Variants in ANO2 observed in about 807,000 individuals in gnomAD.
The protein encoded by ANO2 is anoctamin-2.
A neutral mutation model predicts 124.2 loss-of-function variants in ANO2; 101 were observed. The observed-to-expected ratio is 0.81, with a 90% CI of 0.69 to 0.96. The LOEUF is 0.96. Among genes scored for constraint, ANO2 ranks in the 40% least tolerant of loss-of-function variants. The pLI is 0.00. For missense variants in ANO2, 1,293 were observed against 1,274.5 expected (o/e 1.01, Z -0.22); for synonymous variants, 486 against 482.5 (o/e 1.01, Z -0.09).
intron 7 of ANO2, among the ~76,000 whole-genome samples, chr12:5,822,919 A>T (rs918689043): frequency 5.9e-5 from 9 of 152,200 alleles, no homozygotes; most frequent in African/African-American, 2.2e-4. Context: ...AGGGCAAGAG[A>T]GAAAGAGGAA....
chr12:5,734,133 G>C (rs957142018), intron 13 of ANO2, among the ~76,000 whole-genome samples: 1 of 152,302 alleles, frequency 6.6e-6, no homozygotes, highest in Non-Finnish European at 1.5e-5. Flanking sequence ...AGGTCTAAAA[G>C]ACTGGAAAAC....
chr12:5,797,687 C>T (rs962082597), intron 10 of ANO2, among the ~76,000 whole-genome samples: 1 of 152,192 alleles, frequency 6.6e-6, no homozygotes, highest in Non-Finnish European at 1.5e-5. Context: ...GCTCCCCACA[C>T]ACATGCTGCC....
At position 5,700,345 on chromosome 12, in the gene ANO2, G is replaced by C. The variant is rs570644305; in HGVS notation, c.1545+32175C>G. Among the ~76,000 whole-genome samples the C allele has an allele frequency of 8.5e-5, 13 of 152,254 alleles. No homozygotes were observed. The South Asian group carries it at 1.7e-3, about 19-fold the overall frequency. On this transcript the variant is annotated intron_variant, in intron 14 of 24. Coordinates refer to ENST00000682330, the MANE Select transcript of ANO2 (RefSeq NM_001364791.2). ...CAACCTGCTCCTGAATGACTACTGG[G>C]TACAAAACGAAATGAAGGCAGAAAT...
chr12:5,712,943 G>C (rs545865548), intron 14 of ANO2, among the ~76,000 whole-genome samples: 1 of 152,312 alleles, frequency 6.6e-6, no homozygotes, highest in Non-Finnish European at 1.5e-5. Flanking sequence ...ATAGAGCCTT[G>C]TGGGTAAAGC....
At chr12:5,626,621 G>A (rs529381472) in intron 16 of ANO2, among the ~76,000 whole-genome samples, 5 of 152,186 alleles carry the variant, frequency 3.3e-5, no homozygotes, top group Admixed American at 1.3e-4. Flanking sequence ...GAGGATTGCA[G>A]CAGGAAACAA....
intron 1 of ANO2, among the ~76,000 whole-genome samples, chr12:5,941,956 T>C (rs1456175194): frequency 6.6e-6 from 1 of 152,166 alleles, no homozygotes; most frequent in African/African-American, 2.4e-5. Flanking sequence ...ACATTTTTCA[T>C]AAAAACACAA....
chr12:5,665,701 G>T (rs1372380911), intron 14 of ANO2, among the ~76,000 whole-genome samples: 1 of 150,658 alleles, frequency 6.6e-6, no homozygotes, highest in African/African-American at 2.4e-5. Flanking sequence ...TCCCACTCTG[G>T]TCCCACCACC....
chr12:5,761,302 GA>G (rs1951738168), intron 10 of ANO2, among the ~76,000 whole-genome samples: 1 of 151,942 alleles, frequency 6.6e-6, no homozygotes, highest in African/African-American at 2.4e-5. Flanking sequence ...AAGAAAGGGG[GA>G]AAAAGGCTCT....
At chr12:5,570,812 C>T (rs934169273) in intron 23 of ANO2, among the ~76,000 whole-genome samples, 5 of 152,212 alleles carry the variant, frequency 3.3e-5, no homozygotes, top group African/African-American at 1.2e-4. Flanking sequence ...AACACAACTA[C>T]ATACAATATT....
intron 16 of ANO2, among the ~76,000 whole-genome samples, chr12:5,628,159 CT>C (rs1381921958): frequency 6.6e-6 from 1 of 152,124 alleles, no homozygotes; most frequent in African/African-American, 2.4e-5. Flanking sequence ...AAAATTCTTT[CT>C]TTGTTAAAAC....
chr12:5,725,119 ACAC>A (rs1247613938), intron 14 of ANO2, among the ~76,000 whole-genome samples: 1 of 149,360 alleles, frequency 6.7e-6, no homozygotes, highest in Non-Finnish European at 1.5e-5. Context: ...ACACACACAC[ACAC>A]ACGCAAACAC....
chr12:5,606,217 G>T (rs1944214033), intron 19 of ANO2, among the ~76,000 whole-genome samples: 1 of 152,234 alleles, frequency 6.6e-6, no homozygotes, highest in African/African-American at 2.4e-5. Context: ...TCCAGAAGTA[G>T]AGGTGGCAGT....
At chr12:5,805,041 C>G (rs138661070) in intron 9 of ANO2, among the ~76,000 whole-genome samples, 2 of 151,944 alleles carry the variant, frequency 1.3e-5, no homozygotes, top group Non-Finnish European at 2.9e-5. Context: ...AATTAAACAC[C>G]GAGACTATTA....
intron 19 of ANO2, among the ~76,000 whole-genome samples, 194 bp downstream of exon 19, chr12:5,612,462 T>G (rs1430438161): frequency 6.6e-6 from 1 of 152,194 alleles, no homozygotes; most frequent in African/African-American, 2.4e-5. Flanking sequence ...TAAATCCTTC[T>G]GAGCCTCCAA....
At position 5,636,896 on chromosome 12, in the gene ANO2, A is replaced by G. The variant is rs1946046390; in HGVS notation, c.1621-1549T>C. On this transcript the variant is annotated intron_variant, in intron 15 of 24. Coordinates refer to ENST00000682330, the MANE Select transcript of ANO2 (RefSeq NM_001364791.2). The surrounding 1 kb of genome is among the most constrained non-coding windows in gnomAD (Gnocchi z 4.6). The stretch of plus-strand genomic sequence containing the variant: ...TTTATCCTGGTAGGCTTCAAAAAAT[A>G]CCAGTAATTGCCCTATGGGCCGTGT... Among the ~76,000 whole-genome samples, 1 of 152,128 alleles carries G rather than the reference A, an allele frequency of 6.6e-6. No individual in the cohort carries two copies. Among genetic ancestry groups the G allele is most frequent in the South Asian group, 2.1e-4 (1 of 4,832 alleles).
At chr12:5,868,849 C>T (rs781422814) in intron 3 of ANO2, among the ~76,000 whole-genome samples, 4 of 139,376 alleles carry the variant, frequency 2.9e-5, no homozygotes, top group Admixed American at 2.0e-4. Flanking sequence ...ACAAACTGGG[C>T]GGCTCTGCAA....
chr12:5,688,132 A>G (rs1053049247), intron 14 of ANO2, among the ~76,000 whole-genome samples: 2 of 152,188 alleles, frequency 1.3e-5, no homozygotes, highest in Admixed American at 1.3e-4. Context: ...AAAGAATAAA[A>G]TGAAACCTAG....
At chr12:5,844,044 G>A (rs932746234) in intron 4 of ANO2, among the ~76,000 whole-genome samples, 1 of 152,204 alleles carries the variant, frequency 6.6e-6, no homozygotes, top group Non-Finnish European at 1.5e-5. Context: ...ATCAGCTCGG[G>A]CTGAAGGAAT....
At chr12:5,621,939 T>G (rs947117708) in intron 16 of ANO2, among the ~76,000 whole-genome samples, 1 of 152,126 alleles carries the variant, frequency 6.6e-6, no homozygotes, top group Admixed American at 6.5e-5. Flanking sequence ...TTCTTTTTCC[T>G]TTTTTCAATA....
Sources: gnomAD v4.1 joint callset for allele counts (sites outside exome capture counted in the v4.1 genomes callset) on GRCh38, gnomAD v4.1.1 for gene constraint, Gnocchi (gnomAD v3.1) non-coding constraint, MANE v1.5 for transcripts, NCBI Gene and HGNC (gene_info 2026-07-23, HGNC 2026-07-21) for gene names.